Variants in STON2 observed in about 807,000 individuals in gnomAD.
STON2 encodes stonin 2.
Under a neutral mutation model 65.7 loss-of-function variants are expected in STON2, and 29 were observed. That is an observed-to-expected ratio of 0.44 (90% CI 0.33 to 0.60). STON2 has a LOEUF of 0.60. Ranked by LOEUF, STON2 falls within the 20% of genes least tolerant of loss-of-function variation. The probability of loss-of-function intolerance (pLI) is 0.03; values close to 1 mark genes in which losing one functional copy is unlikely to be tolerated. For missense variants in STON2, 1,054 were observed against 1,118.1 expected (o/e 0.94, Z 0.82); for synonymous variants, 404 against 414.2 (o/e 0.98, Z 0.30).
At chr14:81,436,201 G>T (rs991920695) in intron 1 of STON2, 1 of 151,834 alleles carries the variant, frequency 6.6e-6, no homozygotes, top group Admixed American at 6.6e-5. Flanking sequence ...GGGCACAGCG[G>T]CGCTAGGACC....
At chr14:81,397,828 G>A (rs1455739348) in intron 2 of STON2, among the ~76,000 whole-genome samples, 1 of 152,132 alleles carries the variant, frequency 6.6e-6, no homozygotes, top group African/African-American at 2.4e-5. Context: ...CAACCTGTGA[G>A]ATAGGTACTG....
intron 4 of STON2, among the ~76,000 whole-genome samples, chr14:81,369,966 T>C (rs1031920164): frequency 2.6e-5 from 4 of 152,072 alleles, no homozygotes; most frequent in African/African-American, 7.3e-5. Flanking sequence ...TGAAGGAGTG[T>C]CTGTGAAAAC....
In STON2 at chr14:81,318,745, G is replaced by C. The variant is rs1031443348; in HGVS notation, c.742+5272C>G. Among the ~76,000 whole-genome samples the C allele has an allele frequency of 7.9e-5, 12 of 152,188 alleles. 1 individual carries two copies. The highest frequency in any genetic ancestry group is 2.4e-5 in the African/African-American group (1 of 41,440). Reference sequence around the variant, plus strand: ...CGGTGCCTGTAATCCCGGCTACTCCGGGGTCTGAGACACAATACTCACTTG... The same window carrying C: ...CGGTGCCTGTAATCCCGGCTACTCCCGGGTCTGAGACACAATACTCACTTG... On this transcript the variant is annotated intron_variant, in intron 5 of 7. Transcript: ENST00000614646.
At chr14:81,269,289 A>G in intron 7 of STON2, 1 of 983,290 alleles carries the variant, frequency 1.0e-6, no homozygotes, top group Non-Finnish European at 1.2e-6. Context: ...TACAGCCATG[A>G]GCCACAGCAC....
intron 4 of STON2, among the ~76,000 whole-genome samples, chr14:81,357,742 C>T (rs1484420961): frequency 6.6e-6 from 1 of 152,024 alleles, no homozygotes; most frequent in African/African-American, 2.4e-5. Context: ...TTTGTAGGGA[C>T]ATGGATGAAA....
At chr14:81,316,492 A>C (rs1896626502) in intron 5 of STON2, among the ~76,000 whole-genome samples, 1 of 152,234 alleles carries the variant, frequency 6.6e-6, no homozygotes, top group Non-Finnish European at 1.5e-5. Flanking sequence ...AAGTAATGCT[A>C]TACTCAGTAA....
intron 4 of STON2, among the ~76,000 whole-genome samples, chr14:81,348,504 T>C: frequency 6.6e-6 from 1 of 151,896 alleles, no homozygotes; most frequent in East Asian, 1.9e-4. Flanking sequence ...CTATTTACAA[T>C]AACTACAAAA....
At chr14:81,433,302 T>C (rs948520619) in intron 1 of STON2, among the ~76,000 whole-genome samples, 4 of 152,330 alleles carry the variant, frequency 2.6e-5, no homozygotes, top group Admixed American at 2.6e-4. Flanking sequence ...CTGGCCCTCA[T>C]CGCCTCTTGC....
chr14:81,382,935 G>C (rs1294814004), intron 3 of STON2, among the ~76,000 whole-genome samples: 1 of 152,054 alleles, frequency 6.6e-6, no homozygotes, highest in Non-Finnish European at 1.5e-5. Flanking sequence ...TTATTTTTCG[G>C]CTTAGAAATC....
At chr14:81,310,908 T>A (rs1227766164) in intron 5 of STON2, among the ~76,000 whole-genome samples, 1 of 152,156 alleles carries the variant, frequency 6.6e-6, no homozygotes, top group Non-Finnish European at 1.5e-5. Context: ...GGCCTTTGAC[T>A]TTTCATAGGT....
intron 4 of STON2, among the ~76,000 whole-genome samples, chr14:81,343,588 A>G (rs951382886): frequency 2.6e-5 from 4 of 152,366 alleles, no homozygotes; most frequent in South Asian, 4.1e-4. Flanking sequence ...AACCGCCTTT[A>G]TGAAAACTAG....
intron 4 of STON2, among the ~76,000 whole-genome samples, chr14:81,344,795 T>C (rs548299984): frequency 1.3e-5 from 2 of 152,380 alleles, no homozygotes; most frequent in South Asian, 4.1e-4. Context: ...TCAATAGACA[T>C]TACCGTTTAA....
chr14:81,324,805 A>G (rs1239884911), intron 4 of STON2, among the ~76,000 whole-genome samples: 1 of 152,244 alleles, frequency 6.6e-6, no homozygotes, highest in Non-Finnish European at 1.5e-5. Context: ...TAATCCTGAA[A>G]TGAAGCCTTT....
chr14:81,313,963 T>C (rs573805510), intron 5 of STON2, among the ~76,000 whole-genome samples: 1 of 152,280 alleles, frequency 6.6e-6, no homozygotes, highest in African/African-American at 2.4e-5. Flanking sequence ...GCTTCCCTGA[T>C]GAAGCAATAC....
chr14:81,389,944 G>A (rs923027347), intron 3 of STON2, among the ~76,000 whole-genome samples: 3 of 152,188 alleles, frequency 2.0e-5, no homozygotes, highest in African/African-American at 4.8e-5. Context: ...CAGGCATGGT[G>A]GCTCATGCCT....
At chr14:81,282,590 A>C (rs1035254152) in intron 5 of STON2, among the ~76,000 whole-genome samples, 1 of 152,196 alleles carries the variant, frequency 6.6e-6, no homozygotes, top group Non-Finnish European at 1.5e-5. Context: ...GAATATAATA[A>C]TCTCGTAATA....
At chr14:81,378,198 A>G (rs1486659992) in intron 3 of STON2, among the ~76,000 whole-genome samples, 2 of 151,480 alleles carry the variant, frequency 1.3e-5, no homozygotes, top group Non-Finnish European at 2.9e-5. Flanking sequence ...AGATTTTTCT[A>G]TATATTCTAG....
intron 5 of STON2, among the ~76,000 whole-genome samples, chr14:81,292,939 G>A (rs990304703): frequency 1.1e-4 from 16 of 152,222 alleles, no homozygotes; most frequent in Non-Finnish European, 1.3e-4. Flanking sequence ...GCATCCCTCC[G>A]CACTGATCTG....
chr14:81,274,254 A>C (rs1894716270), intron 6 of STON2, among the ~76,000 whole-genome samples: 1 of 152,216 alleles, frequency 6.6e-6, no homozygotes, highest in South Asian at 2.1e-4. Flanking sequence ...TATAACCATG[A>C]CAGCAAAATC....
Sources: allele counts gnomAD v4.1 joint callset (sites outside exome capture counted in the v4.1 genomes callset), GRCh38; gene constraint gnomAD v4.1.1; transcripts MANE v1.5; gene names NCBI Gene and HGNC (gene_info 2026-07-23, HGNC 2026-07-21).